GAREM1: variants seen among roughly 807,000 people sequenced by gnomAD.
The protein encoded by GAREM1 is GRB2 associated regulator of MAPK1 subtype 1.
GAREM1 carries 26 observed loss-of-function variants against 71.3 expected under a neutral mutation model. The ratio of observed to expected loss-of-function variants is 0.36; its 90% CI spans 0.27 to 0.51. The LOEUF (loss-of-function observed/expected upper bound fraction) is 0.51. GAREM1 is among the 20% of genes least tolerant of loss of function. The probability of loss-of-function intolerance (pLI) is 0.95; values close to 1 mark genes in which losing one functional copy is unlikely to be tolerated. For missense variants in GAREM1, 1,026 were observed against 1,103.1 expected (o/e 0.93, Z 0.99); for synonymous variants, 440 against 433.2 (o/e 1.02, Z -0.20).
chr18:32,321,938 G>T (rs1462019198), intron 2 of GAREM1, among the ~76,000 whole-genome samples: 2 of 152,184 alleles, frequency 1.3e-5, no homozygotes, highest in Non-Finnish European at 2.9e-5. Context: ...TGGAACTATT[G>T]GTCATGAAGT....
At chr18:32,382,286 C>T (rs2048104830) in intron 2 of GAREM1, among the ~76,000 whole-genome samples, 1 of 152,018 alleles carries the variant, frequency 6.6e-6, no homozygotes, top group Non-Finnish European at 1.5e-5. Flanking sequence ...GAAGGATCTA[C>T]CTGGTGAGAA....
At chr18:32,447,730 T>C (rs568696387) in intron 1 of GAREM1, among the ~76,000 whole-genome samples, 2 of 152,292 alleles carry the variant, frequency 1.3e-5, no homozygotes, top group East Asian at 3.9e-4. Flanking sequence ...TAAAATTTCT[T>C]GATGATAGGG....
At chr18:32,314,739 C>A (rs186168027) in intron 2 of GAREM1, among the ~76,000 whole-genome samples, 2 of 152,048 alleles carry the variant, frequency 1.3e-5, no homozygotes, top group Non-Finnish European at 2.9e-5. Context: ...CAGGCATGCA[C>A]CACCATGCCT....
intron 2 of GAREM1, among the ~76,000 whole-genome samples, chr18:32,369,535 G>C (rs188531606): frequency 1.4e-4 from 21 of 152,268 alleles, no homozygotes; most frequent in African/African-American, 4.6e-4. Flanking sequence ...TGGATGGAGG[G>C]AGGGATTTAC....
chr18:32,441,780 GAA>G (rs150249593), intron 1 of GAREM1, among the ~76,000 whole-genome samples: 2,009 of 152,286 alleles, frequency 0.013, 36 homozygotes, highest in African/African-American at 0.046. Flanking sequence ...CGCACAGAAA[GAA>G]AAGTGCTCTT....
At chr18:32,415,244 G>GA (rs2048456310) in intron 1 of GAREM1, among the ~76,000 whole-genome samples, 1 of 151,970 alleles carries the variant, frequency 6.6e-6, no homozygotes, top group Non-Finnish European at 1.5e-5. Flanking sequence ...CCCTGGACCT[G>GA]ATGGCTTCAC....
chr18:32,422,409 C>T (rs2048527780), intron 1 of GAREM1, among the ~76,000 whole-genome samples: 1 of 151,962 alleles, frequency 6.6e-6, no homozygotes, highest in South Asian at 2.1e-4. Context: ...ACACCTCTTC[C>T]CCAGGTTTCT....
At chr18:32,300,187 A>G (rs2047185692) in intron 3 of GAREM1, among the ~76,000 whole-genome samples, 6 of 152,224 alleles carry the variant, frequency 3.9e-5, no homozygotes, top group Non-Finnish European at 8.8e-5. Context: ...CATGCCCTAA[A>G]GACTCCAGAG....
intron 1 of GAREM1, among the ~76,000 whole-genome samples, chr18:32,460,115 T>C (rs796828252): frequency 1.5e-5 from 2 of 133,432 alleles, no homozygotes; most frequent in African/African-American, 5.5e-5. Flanking sequence ...TCATCTTATT[T>C]AAAAAAAAAA....
At chr18:32,346,900 C>T (rs895802099) in intron 2 of GAREM1, among the ~76,000 whole-genome samples, 3 of 151,968 alleles carry the variant, frequency 2.0e-5, no homozygotes, top group African/African-American at 4.8e-5. Context: ...GGAAAGAGGC[C>T]GGTCACCAGG....
intron 2 of GAREM1, among the ~76,000 whole-genome samples, chr18:32,382,855 A>C (rs1414185585): frequency 6.6e-6 from 1 of 152,142 alleles, no homozygotes; most frequent in East Asian, 1.9e-4. Flanking sequence ...CTAGGTGGAC[A>C]GAGAACTGGG....
intron 1 of GAREM1, among the ~76,000 whole-genome samples, chr18:32,403,162 C>T (rs1567997388): frequency 6.6e-6 from 1 of 152,158 alleles, no homozygotes; most frequent in Non-Finnish European, 1.5e-5. Context: ...CCTGCTTCGG[C>T]CTCCCAAAGC....
intron 2 of GAREM1, among the ~76,000 whole-genome samples, chr18:32,341,457 A>G (rs2144575407): frequency 6.6e-6 from 1 of 152,302 alleles, no homozygotes; most frequent in East Asian, 1.9e-4. Context: ...ATGTGTCTTT[A>G]CAGCAGCATG....
chr18:32,300,410 A>G (rs1032607326), intron 3 of GAREM1, among the ~76,000 whole-genome samples: 3 of 152,222 alleles, frequency 2.0e-5, no homozygotes, highest in African/African-American at 7.2e-5. Flanking sequence ...AAGAATACTA[A>G]ATGTTTCAGT....
At chr18:32,385,825 TA>T (rs976433480) in intron 2 of GAREM1, among the ~76,000 whole-genome samples, 21 of 152,280 alleles carry the variant, frequency 1.4e-4, no homozygotes, top group African/African-American at 5.1e-4. Flanking sequence ...TTAACATCTC[TA>T]AACCTCAGCT....
chr18:32,372,223 CAAGATT>C (rs1207647805), intron 2 of GAREM1, among the ~76,000 whole-genome samples: 1 of 152,138 alleles, frequency 6.6e-6, no homozygotes, highest in Non-Finnish European at 1.5e-5. Context: ...TTACTGTCAA[CAAGATT>C]ATTATGTACT....
At chr18:32,387,138 T>G (rs2048155486) in intron 2 of GAREM1, among the ~76,000 whole-genome samples, 1 of 151,864 alleles carries the variant, frequency 6.6e-6, no homozygotes, top group Non-Finnish European at 1.5e-5. Flanking sequence ...CAACTGGGGA[T>G]CTGCTTGACT....
At position 32,330,869 on chromosome 18, in the gene GAREM1, G is replaced by A. The variant is rs554388889; in HGVS notation, c.263-20546C>T. Among the ~76,000 whole-genome samples, 26 of 152,188 alleles carry A rather than the reference G, an allele frequency of 1.7e-4. No homozygotes were observed. The South Asian group carries it at 5.4e-3, about 32-fold the overall frequency. On this transcript the variant is annotated intron_variant, in intron 2 of 5. Transcript: ENST00000269209. ...GAGGAAAGAAGGGAACATTTTGAGGGTCTTACAGCCAAGCACTGCATTTGA... is the reference window on the plus strand; with the variant it reads ...GAGGAAAGAAGGGAACATTTTGAGGATCTTACAGCCAAGCACTGCATTTGA...
At chr18:32,290,538 T>C (rs1406603754) in intron 3 of GAREM1, among the ~76,000 whole-genome samples, 1 of 150,628 alleles carries the variant, frequency 6.6e-6, no homozygotes, top group Non-Finnish European at 1.5e-5. Context: ...CCAGGTACTT[T>C]GGAGGCTGAG....
Sources: gnomAD v4.1 joint callset for allele counts (sites outside exome capture counted in the v4.1 genomes callset) on GRCh38, gnomAD v4.1.1 for gene constraint, MANE v1.5 for transcripts, NCBI Gene and HGNC (gene_info 2026-07-23, HGNC 2026-07-21) for gene names.